The following CHSY3 variants were observed in gnomAD, a reference collection of about 807,000 sequenced individuals.
The protein encoded by CHSY3 is chondroitin sulfate synthase 3.
A neutral mutation model predicts 67.2 loss-of-function variants in CHSY3; 35 were observed. The observed-to-expected ratio is 0.52, with a 90% confidence interval of 0.40 to 0.69. The LOEUF is 0.69. Among genes scored for constraint, CHSY3 ranks in the 30% least tolerant of loss-of-function variants. The probability of loss-of-function intolerance (pLI) is 0.00; values close to 1 mark genes in which losing one functional copy is unlikely to be tolerated. For synonymous variants in CHSY3, 474 were observed against 434.7 expected (o/e 1.09, Z -1.12); for missense variants, 1,069 against 1,138.5 (o/e 0.94, Z 0.88).
chr5:129,920,643 C>G (rs1292438017), intron 2 of CHSY3, among the ~76,000 whole-genome samples: 6 of 152,150 alleles, frequency 3.9e-5, no homozygotes, highest in African/African-American at 1.2e-4. Flanking sequence ...GTCTTCTATC[C>G]ATAAATTTAA....
At chr5:129,908,039 A>G in intron 1 of CHSY3, 38 bp from the exon 2 acceptor site, 1 of 1,591,612 alleles carries the variant, frequency 6.3e-7, no homozygotes, top group Non-Finnish European at 8.5e-7. Context: ...TGATTATGAA[A>G]TAAGGAGACA....
intron 2 of CHSY3, among the ~76,000 whole-genome samples, chr5:129,917,455 G>A (rs1760765732): frequency 6.6e-6 from 1 of 152,172 alleles, no homozygotes; most frequent in African/African-American, 2.4e-5. Flanking sequence ...TCAGAGTAAT[G>A]TCTCACAGTG....
At chr5:129,961,112 G>A (rs1762316920) in intron 2 of CHSY3, among the ~76,000 whole-genome samples, 2 of 152,040 alleles carry the variant, frequency 1.3e-5, no homozygotes, top group African/African-American at 4.8e-5. Flanking sequence ...ACGGGCAATG[G>A]AAATTACAGC....
At chr5:130,089,227 TG>T (rs1246328575) in intron 2 of CHSY3, among the ~76,000 whole-genome samples, 8 of 50,220 alleles carry the variant, frequency 1.6e-4, no homozygotes, top group African/African-American at 5.0e-4. Context: ...TGTTGTGGGG[TG>T]GGGGGTGGGG....
chr5:130,096,317 G>A (rs1293224479), intron 2 of CHSY3, among the ~76,000 whole-genome samples: 1 of 152,112 alleles, frequency 6.6e-6, no homozygotes, highest in Non-Finnish European at 1.5e-5. Flanking sequence ...GACTACAGGC[G>A]CATGCTACCA....
At chr5:130,077,700 G>A (rs529094165) in intron 2 of CHSY3, among the ~76,000 whole-genome samples, 8 of 151,760 alleles carry the variant, frequency 5.3e-5, no homozygotes, top group Admixed American at 3.9e-4. Context: ...TATCAAAAGC[G>A]GATAATTCAC....
intron 2 of CHSY3, among the ~76,000 whole-genome samples, chr5:130,029,134 C>A (rs574620526): frequency 6.6e-6 from 1 of 152,068 alleles, no homozygotes; most frequent in Non-Finnish European, 1.5e-5. Context: ...AGCCAGTTGC[C>A]CCAATCGTCA....
intron 2 of CHSY3, among the ~76,000 whole-genome samples, chr5:130,054,892 G>A (rs775549637): frequency 5.9e-4 from 90 of 152,112 alleles, no homozygotes; most frequent in Non-Finnish European, 1.1e-3. Context: ...GAGGCTTTCT[G>A]ATCCTACCTA....
At chr5:130,036,994 G>A (rs4282353) in intron 2 of CHSY3, among the ~76,000 whole-genome samples, 81,654 of 151,948 alleles carry the variant, frequency 0.54, 22,348 homozygotes, top group East Asian at 0.67. Context: ...TAACTCATGT[G>A]GCATGTAGAT....
chr5:130,171,690 G>C (rs1769896833), intron 2 of CHSY3, among the ~76,000 whole-genome samples: 1 of 152,044 alleles, frequency 6.6e-6, no homozygotes, highest in Non-Finnish European at 1.5e-5. Context: ...AACTAAAATA[G>C]CTAAAAAAAA....
chr5:129,959,901 T>C (rs1762282954), intron 2 of CHSY3, among the ~76,000 whole-genome samples: 1 of 152,132 alleles, frequency 6.6e-6, no homozygotes, highest in African/African-American at 2.4e-5. Flanking sequence ...CATACTTGAT[T>C]ATTGCATTGC....
chr5:129,920,428 T>A (rs1312020075), intron 2 of CHSY3, among the ~76,000 whole-genome samples: 1 of 152,116 alleles, frequency 6.6e-6, no homozygotes, highest in Non-Finnish European at 1.5e-5. Flanking sequence ...GTATTTTTGG[T>A]AGAGATGGGA....
At chr5:130,139,260 A>G (rs75438888) in intron 2 of CHSY3, among the ~76,000 whole-genome samples, 2 of 152,174 alleles carry the variant, frequency 1.3e-5, no homozygotes, top group Non-Finnish European at 1.5e-5. Flanking sequence ...AGCCAAGGGT[A>G]GAAATTGATT....
At chr5:130,091,150 A>G (rs1413200023) in intron 2 of CHSY3, among the ~76,000 whole-genome samples, 118 of 149,310 alleles carry the variant, frequency 7.9e-4, no homozygotes, top group African/African-American at 2.8e-3. Flanking sequence ...ACGCGCGCAC[A>G]CACACACACA....
intron 2 of CHSY3, among the ~76,000 whole-genome samples, chr5:129,988,850 T>G (rs975327373): frequency 1.3e-5 from 2 of 152,160 alleles, no homozygotes; most frequent in African/African-American, 4.8e-5. Flanking sequence ...GCTGTAGAAT[T>G]TAAAGCTGAG....
intron 2 of CHSY3, among the ~76,000 whole-genome samples, chr5:129,909,182 T>C (rs144706982): frequency 1.7e-3 from 260 of 152,240 alleles, no homozygotes; most frequent in Non-Finnish European, 2.5e-3. Context: ...AAAATAGATT[T>C]CCTAAAAGAT....
At chr5:130,003,618 A>G (rs4336389) in intron 2 of CHSY3, among the ~76,000 whole-genome samples, 143,273 of 152,066 alleles carry the variant, frequency 0.94, 67,598 homozygotes, top group East Asian at 1. Flanking sequence ...GTTACCAGAT[A>G]GGACAAAGCA....
chr5:130,082,927 G>A (rs538222681), intron 2 of CHSY3, among the ~76,000 whole-genome samples: 1 of 151,614 alleles, frequency 6.6e-6, no homozygotes, highest in African/African-American at 2.4e-5. Context: ...GTGATGGGTT[G>A]ATAGCTGCAG....
chr5:130,183,624 C>G (rs1198351579), intron 2 of CHSY3, among the ~76,000 whole-genome samples: 1 of 152,048 alleles, frequency 6.6e-6, no homozygotes, highest in African/African-American at 2.4e-5. Flanking sequence ...TTATGTATAG[C>G]TAGAGGTTCA....
Sources: gnomAD v4.1 joint callset for allele counts (sites outside exome capture counted in the v4.1 genomes callset) on GRCh38, gnomAD v4.1.1 for gene constraint, MANE v1.5 for transcripts, NCBI Gene and HGNC (gene_info 2026-07-23, HGNC 2026-07-21) for gene names.